Variants in ANGPT2 observed in about 807,000 individuals in gnomAD.
The protein encoded by ANGPT2 is angiopoietin-2.
ANGPT2 carries 28 observed loss-of-function variants against 62.9 expected under a neutral mutation model. The ratio of observed to expected loss-of-function variants is 0.44; its 90% CI spans 0.33 to 0.61. The LOEUF (loss-of-function observed/expected upper bound fraction) is 0.61. Ranked by LOEUF, ANGPT2 falls within the 20% of genes least tolerant of loss-of-function variation. ANGPT2 has a pLI of 0.03. For missense variants in ANGPT2, 727 were observed against 594.9 expected (o/e 1.22, Z -2.31); for synonymous variants, 284 against 207.8 (o/e 1.37, Z -3.15).
intron 5 of ANGPT2, among the ~76,000 whole-genome samples, chr8:6,516,832 A>G (rs2515431): frequency 0.3 from 45,742 of 152,084 alleles, 8,049 homozygotes; most frequent in Middle Eastern, 0.47. Context: ...TACATGTTCT[A>G]TCTTGTTCAG....
chr8:6,539,669 C>T lies in ANGPT2; in HGVS notation c.289-7182G>A, dbSNP rs1821177573. On this transcript the variant is annotated intron_variant, in intron 1 of 8. Coordinates refer to ENST00000629816, the MANE Select transcript of ANGPT2 (RefSeq NM_001118887.2). ...CGGCGTGATCTTGGCTCACTGCAAC[C>T]TCTGCCTCCCTGGTTCAAACGATTC... Among the ~76,000 whole-genome samples, 4 of 152,304 alleles carry T rather than the reference C, an allele frequency of 2.6e-5. No homozygotes were observed. The Middle Eastern group carries it at 0.01, about 389-fold the overall frequency.
chr8:6,518,222 C>A (rs1816660719), intron 5 of ANGPT2, among the ~76,000 whole-genome samples: 2 of 152,184 alleles, frequency 1.3e-5, no homozygotes, highest in East Asian at 1.9e-4. Context: ...TCACATGCAT[C>A]CTCTGTCCCC....
intron 5 of ANGPT2, among the ~76,000 whole-genome samples, chr8:6,518,409 C>A (rs1364934938): frequency 6.6e-6 from 1 of 152,162 alleles, no homozygotes; most frequent in Non-Finnish European, 1.5e-5. Flanking sequence ...TTGTTCCCTT[C>A]CTTCCCTGTT....
chr8:6,505,185 T>A (rs1813055979), intron 8 of ANGPT2, among the ~76,000 whole-genome samples: 1 of 142,738 alleles, frequency 7.0e-6, no homozygotes, highest in Non-Finnish European at 1.5e-5. Flanking sequence ...AATATATATA[T>A]ATATATTCTT....
At chr8:6,522,760 C>G (rs969937297) in intron 3 of ANGPT2, among the ~76,000 whole-genome samples, 1 of 148,120 alleles carries the variant, frequency 6.8e-6, no homozygotes, top group South Asian at 2.1e-4. Flanking sequence ...GGCAACAGAG[C>G]GAGACATCGT....
intron 1 of ANGPT2, among the ~76,000 whole-genome samples, chr8:6,545,269 A>T (rs942619982): frequency 6.6e-6 from 1 of 152,260 alleles, no homozygotes; most frequent in Admixed American, 6.5e-5. Context: ...GGTGCTGGTT[A>T]CATGAGTGAA....
Position 6,521,263 on chromosome 8 carries a change from C to T in ANGPT2, c.714G>A (p.Thr238=), listed in dbSNP as rs55633437. ...EELEKKIVTA[T]VNNSVLQKQQ... ...GCTTCTGAAGAACTGAATTATTCAC[C>T]GTGGCAGTCACTATTTTTTTTTCTA... The change falls in exon 4 of 9, where the codon ACG becomes ACA. Residue 238 remains threonine (T), a synonymous_variant. Transcript: ENST00000629816. 303 of 1,613,802 alleles carry T rather than the reference C, an allele frequency of 1.9e-4. 3 individuals are homozygous for T. In the African/African-American group the frequency reaches 3.5e-3, roughly 19 times the overall value.
intron 8 of ANGPT2, among the ~76,000 whole-genome samples, chr8:6,505,918 G>GTA (rs1294757481): frequency 2.7e-5 from 2 of 72,772 alleles, no homozygotes; most frequent in African/African-American, 9.1e-5. Flanking sequence ...CTTTATATAT[G>GTA]TATATATAAA....
intron 1 of ANGPT2, among the ~76,000 whole-genome samples, chr8:6,535,524 A>G (rs916487082): frequency 1.3e-5 from 2 of 152,214 alleles, no homozygotes; most frequent in East Asian, 1.9e-4. Context: ...ATTTATGTTA[A>G]TCTTACATAA....
Position 6,532,408 on chromosome 8 carries a change from A to G in ANGPT2, c.368T>C (p.Val123Ala), listed in dbSNP as rs1311724651. Residue 123 changes from valine (V) to alanine (A), a missense_variant, in exon 2 of 9, where the codon GTG becomes GCG. Physicochemically the swap from Val to Ala is moderately conservative, Grantham distance 64. Transcript: ENST00000629816. ...QQNAVQNQTA[V>A]MIEIGTNLLN... ...CAGGTTTGTCCCTATTTCTATCATC[A>G]CAGCCGTCTGGTTCTGTACTGCATT... 1.2e-6 allele frequency: 2 copies of G among 1,613,880 alleles called. No homozygotes were observed. The highest frequency in any genetic ancestry group is 4.5e-5 in the East Asian group (2 of 44,888).
Position 6,501,281 on chromosome 8 carries a change from A to G in ANGPT2, c.*1820T>C, listed in dbSNP as rs1419750466. 6.6e-6 allele frequency: 1 copy of G among 152,190 alleles called. No individual in the cohort carries two copies. The highest frequency in any genetic ancestry group is 1.5e-5 in the Non-Finnish European group (1 of 68,028). The allele number at this position is 152,190 out of a possible 1,614,324, so 9.4% of individuals were successfully genotyped here. On this transcript the variant is annotated 3_prime_UTR_variant, in exon 9 of 9. Transcript: ENST00000629816. ...GAGAAGTTGGGGTAAAATAAATTAGATTTTGAAATGGAATAAAGAAAAAAT... is the reference window on the plus strand; with the variant it reads ...GAGAAGTTGGGGTAAAATAAATTAGGTTTTGAAATGGAATAAAGAAAAAAT...
At chr8:6,560,527 A>G (rs1015086409) in intron 1 of ANGPT2, among the ~76,000 whole-genome samples, 14 of 152,186 alleles carry the variant, frequency 9.2e-5, no homozygotes, top group African/African-American at 3.4e-4. Context: ...ACCGAGCGAG[A>G]GTGCAAATTG....
chr8:6,525,027 A>T (rs886442454), intron 3 of ANGPT2, among the ~76,000 whole-genome samples: 64 of 152,358 alleles, frequency 4.2e-4, no homozygotes, highest in African/African-American at 1.5e-3. Flanking sequence ...AAATGAAGGC[A>T]TTCGATTTCA....
At chr8:6,550,470 C>T (rs1176698838) in intron 1 of ANGPT2, among the ~76,000 whole-genome samples, 2 of 152,232 alleles carry the variant, frequency 1.3e-5, no homozygotes, top group African/African-American at 4.8e-5. Flanking sequence ...GTCCTCACCT[C>T]CCCTCCGGGG....
intron 8 of ANGPT2, among the ~76,000 whole-genome samples, chr8:6,505,239 A>AATAG (rs1813106006): frequency 1.6e-5 from 1 of 60,884 alleles, no homozygotes; most frequent in Non-Finnish European, 2.8e-5. Context: ...GTATATATAG[A>AATAG]ATATATATTC....
intron 1 of ANGPT2, among the ~76,000 whole-genome samples, chr8:6,558,639 T>C (rs929888807): frequency 3.9e-5 from 6 of 152,178 alleles, no homozygotes; most frequent in African/African-American, 1.4e-4. Flanking sequence ...GTATTTAGAC[T>C]ATATGGATTA....
chr8:6,505,092 C>T (rs537925501), intron 8 of ANGPT2, among the ~76,000 whole-genome samples: 14 of 108,510 alleles, frequency 1.3e-4, no homozygotes, highest in African/African-American at 2.7e-4. Context: ...TCGACCCAAG[C>T]GTCAGGTAGG....
chr8:6,511,936 C>G (rs1005234611), intron 7 of ANGPT2, among the ~76,000 whole-genome samples: 1 of 147,204 alleles, frequency 6.8e-6, no homozygotes, highest in African/African-American at 2.5e-5. Flanking sequence ...TTGTAGATTC[C>G]TAACTGTTGC....
chr8:6,543,856 C>T (rs1466766181), intron 1 of ANGPT2, among the ~76,000 whole-genome samples: 2 of 152,148 alleles, frequency 1.3e-5, no homozygotes, highest in Non-Finnish European at 2.9e-5. Context: ...CTTTAAGGAG[C>T]TGTACATCTG....
Sources: allele counts gnomAD v4.1 joint callset (sites outside exome capture counted in the v4.1 genomes callset), GRCh38; gene constraint gnomAD v4.1.1; transcripts MANE v1.5; gene names NCBI Gene and HGNC (gene_info 2026-07-23, HGNC 2026-07-21).